The following HS6ST3 variants were observed in gnomAD, a reference collection of about 807,000 sequenced individuals.
The protein encoded by HS6ST3 is heparan-sulfate 6-O-sulfotransferase 3.
A neutral mutation model predicts 36.7 loss-of-function variants in HS6ST3; 12 were observed. The ratio of observed to expected loss-of-function variants is 0.33; its 90% CI spans 0.21 to 0.53. The LOEUF (loss-of-function observed/expected upper bound fraction) is 0.53, where lower values mean the gene tolerates loss of function less well. HS6ST3 is among the 20% of genes least tolerant of loss of function. The pLI, the probability that HS6ST3 is intolerant of heterozygous loss-of-function variation, is 0.95. For missense variants in HS6ST3, 584 were observed against 640.9 expected (o/e 0.91, Z 0.96); for synonymous variants, 240 against 257.5 (o/e 0.93, Z 0.65).
intron 1 of HS6ST3, among the ~76,000 whole-genome samples, chr13:96,238,782 C>A (rs1018983567): frequency 6.6e-6 from 1 of 152,194 alleles, no homozygotes; most frequent in African/African-American, 2.4e-5. Context: ...TAGTCGATAG[C>A]GTGCTTTCAA....
At chr13:96,587,312 A>G (rs2056365553) in intron 1 of HS6ST3, among the ~76,000 whole-genome samples, 1 of 148,152 alleles carries the variant, frequency 6.7e-6, no homozygotes, top group East Asian at 2.0e-4. Context: ...AAATTTTAGG[A>G]TTTTTTTTTT....
intron 1 of HS6ST3, among the ~76,000 whole-genome samples, chr13:96,623,894 T>C (rs1276610528): frequency 6.6e-6 from 1 of 152,196 alleles, no homozygotes; most frequent in Non-Finnish European, 1.5e-5. Context: ...AACAAGCGTT[T>C]ATTTATTGCC....
At chr13:96,730,981 C>T (rs1350363154) in intron 1 of HS6ST3, among the ~76,000 whole-genome samples, 1 of 152,182 alleles carries the variant, frequency 6.6e-6, no homozygotes. Flanking sequence ...ATCCTCCTGA[C>T]TCAGCCTCCC....
intron 1 of HS6ST3, among the ~76,000 whole-genome samples, chr13:96,249,533 G>A (rs2054598460): frequency 6.6e-6 from 1 of 152,140 alleles, no homozygotes; most frequent in South Asian, 2.1e-4. Context: ...AAAGGCCAAA[G>A]AACTTTGTAA....
intron 1 of HS6ST3, among the ~76,000 whole-genome samples, chr13:96,829,811 G>A (rs1037668948): frequency 1.3e-5 from 2 of 152,118 alleles, no homozygotes; most frequent in South Asian, 2.1e-4. Context: ...GAACATACAT[G>A]TGCATGTGTC....
chr13:96,619,095 A>G (rs1292791961), intron 1 of HS6ST3, among the ~76,000 whole-genome samples: 1 of 152,020 alleles, frequency 6.6e-6, no homozygotes, highest in Non-Finnish European at 1.5e-5. Context: ...GTCAAATTGT[A>G]TTCTTTGCCC....
At chr13:96,157,017 G>A (rs1310352805) in intron 1 of HS6ST3, among the ~76,000 whole-genome samples, 1 of 152,144 alleles carries the variant, frequency 6.6e-6, no homozygotes, top group Non-Finnish European at 1.5e-5. Context: ...AGCATTTGTT[G>A]TCTGGGTAAC....
intron 1 of HS6ST3, among the ~76,000 whole-genome samples, chr13:96,540,723 A>C (rs542928978): frequency 6.6e-6 from 1 of 152,342 alleles, no homozygotes; most frequent in East Asian, 1.9e-4. Context: ...AATAAATTTC[A>C]TAAAGGAATC....
intron 1 of HS6ST3, among the ~76,000 whole-genome samples, chr13:96,705,133 AC>A (rs1195056240): frequency 6.6e-6 from 1 of 151,962 alleles, no homozygotes; most frequent in African/African-American, 2.4e-5. Context: ...CATTGTTATC[AC>A]CCAAAGTCCA....
chr13:96,169,193 C>A (rs2054175308), intron 1 of HS6ST3, among the ~76,000 whole-genome samples: 1 of 152,000 alleles, frequency 6.6e-6, no homozygotes, highest in African/African-American at 2.4e-5. Context: ...CCGCCTTTTA[C>A]AGATTAGGTG....
chr13:96,279,660 A>G (rs576571457), intron 1 of HS6ST3, among the ~76,000 whole-genome samples: 1 of 152,160 alleles, frequency 6.6e-6, no homozygotes, highest in African/African-American at 2.4e-5. Flanking sequence ...CTGCTCATCT[A>G]CTTTCTTACC....
intron 1 of HS6ST3, among the ~76,000 whole-genome samples, chr13:96,400,258 TACAC>T (rs889992166): frequency 6.5e-5 from 9 of 138,224 alleles, no homozygotes; most frequent in African/African-American, 2.2e-4. Flanking sequence ...TACACACACA[TACAC>T]ACAGACATAC....
At chr13:96,722,041 G>A (rs538548692) in intron 1 of HS6ST3, among the ~76,000 whole-genome samples, 31 of 152,172 alleles carry the variant, frequency 2.0e-4, no homozygotes, top group African/African-American at 6.0e-4. Context: ...TTGGATGGGC[G>A]GATCACCTGA....
chr13:96,761,361 G>C (rs565532727), intron 1 of HS6ST3, among the ~76,000 whole-genome samples: 2 of 151,736 alleles, frequency 1.3e-5, no homozygotes, highest in Non-Finnish European at 2.9e-5. Flanking sequence ...TAATTTCATT[G>C]GGTTTTGGTG....
At chr13:96,278,675 CTTATAA>C (rs2054760245) in intron 1 of HS6ST3, among the ~76,000 whole-genome samples, 1 of 152,068 alleles carries the variant, frequency 6.6e-6, no homozygotes, top group South Asian at 2.1e-4. Flanking sequence ...TTGATCAAGT[CTTATAA>C]TTAATCAGGT....
chr13:96,544,306 T>G (rs75361361), intron 1 of HS6ST3, among the ~76,000 whole-genome samples: 1 of 152,208 alleles, frequency 6.6e-6, no homozygotes, highest in Non-Finnish European at 1.5e-5. Flanking sequence ...ATCTGAAAAC[T>G]ATGTAATATA....
chr13:96,693,390 C>T (rs1875028680), intron 1 of HS6ST3, among the ~76,000 whole-genome samples: 4 of 152,094 alleles, frequency 2.6e-5, no homozygotes, highest in Admixed American at 2.6e-4. Flanking sequence ...CTGCAACTTC[C>T]ACCTCCCGGG....
In HS6ST3 at chr13:96,559,270, C is replaced by G. The variant is rs148367291; in HGVS notation, c.708-273220C>G. ...TAGCTGGGACTATAGACGCCCCCCC[C>G]ACCACACGTGGCTAATTTTTGTATT... On this transcript the variant is annotated intron_variant, in intron 1 of 1. Transcript: ENST00000376705. Among the ~76,000 whole-genome samples the G allele has an allele frequency of 7.2e-4, 109 of 152,102 alleles. 1 individual carries two copies. The East Asian group carries it at 0.019, about 26-fold the overall frequency.
At position 96,539,817 on chromosome 13, in the gene HS6ST3, T is replaced by A. The variant is rs578209773; in HGVS notation, c.708-292673T>A. On this transcript the variant is annotated intron_variant, in intron 1 of 1. Coordinates refer to ENST00000376705, the MANE Select transcript of HS6ST3 (RefSeq NM_153456.4). ...CTAGGTTCAGAAAGCCACGGTGGCT[T>A]CCTTTTGTATTTGGACACATCCGCT... Among the ~76,000 whole-genome samples, 156 of 152,318 alleles carry A rather than the reference T, an allele frequency of 1.0e-3. 3 individuals carry two copies. Among genetic ancestry groups the A allele is most frequent in the African/African-American group, 3.2e-3 (131 of 41,568 alleles).
Sources: allele counts gnomAD v4.1 joint callset (sites outside exome capture counted in the v4.1 genomes callset), GRCh38; gene constraint gnomAD v4.1.1; transcripts MANE v1.5; gene names NCBI Gene and HGNC (gene_info 2026-07-23, HGNC 2026-07-21).